ZNF454: variants seen among roughly 807,000 people sequenced by gnomAD.
ZNF454 encodes the protein zinc finger protein 454.
ZNF454 carries 30 observed loss-of-function variants against 48.2 expected under a neutral mutation model. The observed-to-expected ratio is 0.62, with a 90% CI of 0.47 to 0.84. ZNF454 has a LOEUF of 0.84. Among genes scored for constraint, ZNF454 ranks in the 40% least tolerant of loss-of-function variants. ZNF454 has a pLI of 0.00. For synonymous variants in ZNF454, 204 were observed against 211.4 expected, an observed-to-expected ratio of 0.97 and a Z score of 0.30; for missense variants, 510 against 623.1, an observed-to-expected ratio of 0.82 and a Z score of 1.93.
intron 1 of ZNF454, 151 bp from the exon 2 acceptor site, chr5:178,942,534 A>T: frequency 2.1e-6 from 1 of 482,084 alleles, no homozygotes; most frequent in Non-Finnish European, 3.7e-6. Flanking sequence ...GTCAATGTAT[A>T]GTACCCTCAG....
chr5:178,966,881 A>G (rs1266672729), downstream of ZNF454, among the ~76,000 whole-genome samples: 3 of 152,142 alleles, frequency 2.0e-5, no homozygotes, highest in South Asian at 6.2e-4. Context: ...CTGTGAGACG[A>G]TTCATTTGCC....
chr5:178,989,215 TC>T, the ZNF454 span: 3 of 886,700 alleles, frequency 3.4e-6, no homozygotes, highest in Non-Finnish European at 4.8e-6. Flanking sequence ...CTCCCCACCC[TC>T]ACCACCCTCC....
chr5:178,964,888 T>G lies in ZNF454; in HGVS notation c.484T>G (p.Ser162Ala), dbSNP rs768472563. The change falls in exon 5 of 5, where the codon TCT (serine) becomes GCT (alanine). Residue 162 changes from serine (S) to alanine (A), a missense_variant. This residue lies in a region of ZNF454 where 354 missense variants were observed against 408.9 expected (regional missense o/e 0.87). Transcript: ENST00000519564. ...TGAATCCGGGAGCACTATGAGCTCA[T>G]CTCTTCACAGTGATCAAAGTCAGGG... ...CDESGSTMSS[S>A]LHSDQSQGFQ... The G allele has an allele frequency of 8.7e-6, 14 of 1,614,076 alleles. No individual in the cohort carries two copies. Among genetic ancestry groups the G allele is most frequent in the African/African-American group, 1.3e-5 (1 of 74,926 alleles).
At chr5:178,948,903 C>T (rs1185891042) in intron 4 of ZNF454, among the ~76,000 whole-genome samples, 1 of 96,466 alleles carries the variant, frequency 1.0e-5, no homozygotes, top group African/African-American at 4.2e-5. Flanking sequence ...TATATGTACA[C>T]AGATTTTTTT....
chr5:178,972,452 A>AG, the ZNF454 span, among the ~76,000 whole-genome samples: 1 of 151,600 alleles, frequency 6.6e-6, no homozygotes, highest in Non-Finnish European at 1.5e-5. Flanking sequence ...TCCCTACTGC[A>AG]CCTAATGGAC....
the ZNF454 span, chr5:178,975,690 C>T: frequency 2.3e-6 from 1 of 431,340 alleles, no homozygotes; most frequent in South Asian, 1.6e-5. Flanking sequence ...GTATACATAC[C>T]CCAGTGCCTC....
chr5:178,970,548 TTTTC>T (rs372406971), downstream of ZNF454, among the ~76,000 whole-genome samples: 22 of 152,124 alleles, frequency 1.4e-4, no homozygotes, highest in East Asian at 2.1e-3. Context: ...ACTGTCTTTT[TTTTC>T]TTTCTTTCAA....
At chr5:178,977,646 A>G in the ZNF454 span, among the ~76,000 whole-genome samples, 2 of 151,612 alleles carry the variant, frequency 1.3e-5, no homozygotes, top group Non-Finnish European at 2.9e-5. Context: ...CTCAACTCAC[A>G]GAAACCTCCG....
rs1759094169 is a variant in ZNF454, at chr5:178,941,657, G to C, written c.-108+213G>C. 6.6e-6 allele frequency among the ~76,000 whole-genome samples: 1 copy of C among 152,124 alleles called. No individual in the cohort carries two copies. Among genetic ancestry groups the C allele is most frequent in the South Asian group, 2.1e-4 (1 of 4,828 alleles). On this transcript the variant is annotated intron_variant, in intron 1 of 4. Transcript: ENST00000519564. This position sits in a 1 kb window ranked among gnomAD's most constrained non-coding sequence, Gnocchi z 5.5. ...CCTGCGCCAGGAACTCGCCAAGGCC[G>C]GAGGCAGCCGCTGCGCAGCCCCTGC...
intron 2 of ZNF454, among the ~76,000 whole-genome samples, chr5:178,945,573 GTC>G (rs1230882179): frequency 7.3e-5 from 11 of 149,942 alleles, no homozygotes; most frequent in Non-Finnish European, 1.6e-4. Flanking sequence ...GTATGTGTGT[GTC>G]TGTGTGCTTG....
intron 4 of ZNF454, among the ~76,000 whole-genome samples, chr5:178,949,707 C>G (rs577554998): frequency 3.3e-5 from 5 of 152,194 alleles, no homozygotes; most frequent in African/African-American, 1.2e-4. Context: ...ATCTCCGCCT[C>G]CTGGGTTCAA....
At chr5:178,986,008 C>T in the ZNF454 span, 1 of 880,356 alleles carries the variant, frequency 1.1e-6, no homozygotes, top group African/African-American at 1.7e-5. Flanking sequence ...GTGATCCACC[C>T]ACCTCAGCCT....
chr5:178,986,746 G>T, the ZNF454 span: 4 of 1,607,370 alleles, frequency 2.5e-6, no homozygotes, highest in African/African-American at 1.3e-5. Context: ...CCACTGCAGG[G>T]CCTCCACCTG....
chr5:178,948,228 C>T (rs1759414487), intron 4 of ZNF454: 1 of 149,972 alleles, frequency 6.7e-6, no homozygotes, highest in Non-Finnish European at 1.5e-5. Flanking sequence ...AATTAAAAAT[C>T]TTAACTCTAA....
At chr5:178,987,261 G>A in the ZNF454 span, 8 of 602,874 alleles carry the variant, frequency 1.3e-5, no homozygotes, top group African/African-American at 1.3e-4. Flanking sequence ...AAAACAGTGT[G>A]GAGCCTCCTC....
chr5:178,946,991 G>C lies in ZNF454; in HGVS notation c.250+5G>C, dbSNP rs1330172152. The C allele has an allele frequency of 1.9e-6, 3 of 1,613,170 alleles. No individual in the cohort carries two copies. Among genetic ancestry groups the C allele is most frequent in the Non-Finnish European group, 2.5e-6 (3 of 1,179,618 alleles). ...CCCCTGGAGGCTTCTGTCTTGGTAA[G>C]AATCATGTGTGTGGGAGACACCGGG... On this transcript the variant is annotated splice_donor_5th_base_variant and intron_variant, in intron 4 of 4. Coordinates refer to ENST00000519564, the MANE Select transcript of ZNF454 (RefSeq NM_001178089.3). The surrounding 1 kb of genome is among the most constrained non-coding windows in gnomAD (Gnocchi z 4.5).
At chr5:178,970,510 C>T (rs1050670146), downstream of ZNF454, among the ~76,000 whole-genome samples, 3 of 152,150 alleles carry the variant, frequency 2.0e-5, no homozygotes, top group African/African-American at 4.8e-5. Context: ...TCCCTGTGTT[C>T]CGTCTGCCAC....
At chr5:178,968,105 TCA>T (rs3031585), downstream of ZNF454, among the ~76,000 whole-genome samples, 17,470 of 144,954 alleles carry the variant, frequency 0.12, 1,063 homozygotes, top group East Asian at 0.15. Flanking sequence ...CATCTGTGCA[TCA>T]CACACACACA....
the ZNF454 span, among the ~76,000 whole-genome samples, chr5:178,982,468 C>T: frequency 1.8e-4 from 27 of 148,592 alleles, no homozygotes; most frequent in African/African-American, 6.0e-4. Flanking sequence ...GTCCCAGCTA[C>T]GGGGGAGGCT....
Sources: allele counts gnomAD v4.1 joint callset (sites outside exome capture counted in the v4.1 genomes callset), GRCh38; gene constraint gnomAD v4.1.1; regional missense constraint gnomAD v4.1.1; non-coding constraint Gnocchi (gnomAD v3.1); transcripts MANE v1.5; gene names NCBI Gene and HGNC (gene_info 2026-07-23, HGNC 2026-07-21).